The following COG5 variants were observed in gnomAD, a reference collection of about 807,000 sequenced individuals.
COG5 encodes the protein conserved oligomeric Golgi complex subunit 5.
In COG5, 86 loss-of-function variants were observed where a neutral mutation model predicts 110.4. That is an observed-to-expected ratio of 0.78 (90% CI 0.65 to 0.93). COG5 has a LOEUF of 0.93. COG5 is among the 40% of genes least tolerant of loss of function. The pLI is 0.00. For synonymous variants in COG5, 360 were observed against 334.6 expected (o/e 1.08, Z -0.83); for missense variants, 1,077 against 987.0 (o/e 1.09, Z -1.22).
intron 10 of COG5, among the ~76,000 whole-genome samples, chr7:107,326,647 G>A (rs1289908578): frequency 6.6e-6 from 1 of 152,138 alleles, no homozygotes; most frequent in African/African-American, 2.4e-5. Context: ...AGAAATTAAA[G>A]AAGACACAAG....
intron 7 of COG5, among the ~76,000 whole-genome samples, chr7:107,377,863 G>A (rs1814762589): frequency 6.6e-6 from 1 of 152,160 alleles, no homozygotes; most frequent in South Asian, 2.1e-4. Context: ...GGTGGCTGTG[G>A]GCGCAACTAC....
chr7:107,488,822 G>A (rs1797810111), intron 6 of COG5, among the ~76,000 whole-genome samples: 1 of 151,678 alleles, frequency 6.6e-6, no homozygotes, highest in African/African-American at 2.4e-5. Context: ...ACTCCAACCT[G>A]GGCAACAGAG....
intron 11 of COG5, among the ~76,000 whole-genome samples, chr7:107,319,289 G>A (rs1403547841): frequency 6.6e-6 from 1 of 152,026 alleles, no homozygotes; most frequent in Admixed American, 6.6e-5. Flanking sequence ...TTATACTACT[G>A]ATACTTCAGC....
chr7:107,208,510 G>T (rs2158347), intron 21 of COG5: 532,157 of 984,858 alleles, frequency 0.54, 148,186 homozygotes, highest in African/African-American at 0.9. Flanking sequence ...TTTTTAAGAC[G>T]ACTGAGTGTG....
At chr7:107,288,947 T>G (rs1327051177) in intron 12 of COG5, among the ~76,000 whole-genome samples, 15 of 89,708 alleles carry the variant, frequency 1.7e-4, no homozygotes, top group African/African-American at 4.1e-4. Context: ...TATATATATA[T>G]ATATATATAT....
intron 11 of COG5, 34 bp from the exon 12 acceptor site, chr7:107,298,380 A>C: frequency 6.5e-7 from 1 of 1,544,110 alleles, no homozygotes; most frequent in African/African-American, 1.4e-5. Flanking sequence ...AATTAGAAAA[A>C]TAATAAAATG....
At chr7:107,375,802 G>C (rs1314997064) in intron 7 of COG5, among the ~76,000 whole-genome samples, 1 of 151,884 alleles carries the variant, frequency 6.6e-6, no homozygotes, top group Non-Finnish European at 1.5e-5. Flanking sequence ...TTAAGGAAAA[G>C]AAATTCCTAA....
intron 7 of COG5, among the ~76,000 whole-genome samples, chr7:107,381,086 T>A (rs1306563612): frequency 2.6e-5 from 4 of 152,196 alleles, no homozygotes; most frequent in Admixed American, 2.6e-4. Context: ...GTGAACATAT[T>A]AATTAAATTC....
At chr7:107,374,426 T>C (rs1395716345) in intron 7 of COG5, among the ~76,000 whole-genome samples, 3 of 152,122 alleles carry the variant, frequency 2.0e-5, no homozygotes, top group Non-Finnish European at 4.4e-5. Flanking sequence ...TTATTGCCTT[T>C]ACTATTATCA....
chr7:107,318,465 A>T (rs551419633), intron 11 of COG5, among the ~76,000 whole-genome samples: 1 of 152,252 alleles, frequency 6.6e-6, no homozygotes, highest in Admixed American at 6.5e-5. Context: ...AGAGTGATAA[A>T]GCACATTTTA....
Position 107,529,731 on chromosome 7 carries a change from C to T in COG5, c.418-2374G>A, listed in dbSNP as rs548285317. ...CTTCCAAGCGTACTTTCCTTTCTTT[C>T]TTTCCTGTTCTAAAGCCTTTTTAAA... is the stretch of plus-strand genomic sequence containing the variant. On this transcript the variant is annotated intron_variant, in intron 5 of 21. Coordinates refer to ENST00000297135, the MANE Select transcript of COG5 (RefSeq NM_006348.5). 3.3e-5 allele frequency among the ~76,000 whole-genome samples: 5 copies of T among 152,330 alleles called. 1 individual carries two copies. The South Asian group carries it at 1.0e-3, about 32-fold the overall frequency.
At chr7:107,511,627 GCT>G (rs1799521575) in intron 6 of COG5, among the ~76,000 whole-genome samples, 1 of 152,066 alleles carries the variant, frequency 6.6e-6, no homozygotes, top group South Asian at 2.1e-4. Context: ...CTTGATGAAC[GCT>G]GATGCAAAAA....
chr7:107,225,477 T>C (rs901765385), intron 19 of COG5, among the ~76,000 whole-genome samples: 3 of 152,180 alleles, frequency 2.0e-5, no homozygotes, highest in African/African-American at 7.2e-5. Context: ...TGTTTTTCCT[T>C]TTTGTCTTTT....
chr7:107,534,640 C>A (rs140775403), intron 5 of COG5, among the ~76,000 whole-genome samples: 4 of 151,350 alleles, frequency 2.6e-5, no homozygotes, highest in Non-Finnish European at 4.4e-5. Flanking sequence ...TATATATGCA[C>A]GCAATACAGG....
chr7:107,292,698 G>A (rs777672427), intron 12 of COG5, among the ~76,000 whole-genome samples: 18 of 152,116 alleles, frequency 1.2e-4, no homozygotes, highest in African/African-American at 4.3e-4. Flanking sequence ...CAAGTTTATA[G>A]GTAGTCTAAA....
At chr7:107,497,938 G>A (rs1173246891) in intron 6 of COG5, among the ~76,000 whole-genome samples, 1 of 152,054 alleles carries the variant, frequency 6.6e-6, no homozygotes, top group African/African-American at 2.4e-5. Context: ...CAAAAAGAAA[G>A]ACAAACTGAT....
Position 107,203,403 on chromosome 7 carries a change from C to A in COG5, c.*113G>T. The A allele has an allele frequency of 1.3e-6, 1 of 775,582 alleles. No homozygotes were observed. The highest frequency in any genetic ancestry group is 2.3e-6 in the Non-Finnish European group (1 of 433,998). The allele number at this position is 775,582 out of a possible 1,614,324, so 48.0% of individuals were successfully genotyped here. A position where few individuals can be genotyped will look rare whatever the true frequency, so the allele number is the denominator to read the frequency against. ...ATAAACGTCGATAGGAAATACCGAACAATCAATTACATTCTTAAAATAGTA... is the reference window on the plus strand; with the variant it reads ...ATAAACGTCGATAGGAAATACCGAAAAATCAATTACATTCTTAAAATAGTA... On this transcript the variant is annotated 3_prime_UTR_variant, in exon 22 of 22. Coordinates refer to ENST00000297135, the MANE Select transcript of COG5 (RefSeq NM_006348.5).
rs374440832 is a variant in COG5 at position 107,403,590 on chromosome 7, C to T, written c.669+8912G>A. Among the ~76,000 whole-genome samples, 19 of 151,136 alleles carry T rather than the reference C, an allele frequency of 1.3e-4. No individual in the cohort carries two copies. The East Asian group carries it at 1.6e-3, about 12-fold the overall frequency. ...TGTGTGATGTTCCCTTCCCTGACAA[C>T]GGACACCTTTTTAATATGATCCCAC... On this transcript the variant is annotated intron_variant, in intron 7 of 21. Coordinates refer to ENST00000297135, the MANE Select transcript of COG5 (RefSeq NM_006348.5).
chr7:107,490,798 C>T (rs886698282), intron 6 of COG5, among the ~76,000 whole-genome samples: 6 of 152,106 alleles, frequency 3.9e-5, no homozygotes, highest in African/African-American at 1.2e-4. Flanking sequence ...CCTATTCTTT[C>T]TTGTCTCTCA....
Sources: gnomAD v4.1 joint callset for allele counts (sites outside exome capture counted in the v4.1 genomes callset) on GRCh38, gnomAD v4.1.1 for gene constraint, MANE v1.5 for transcripts, NCBI Gene and HGNC (gene_info 2026-07-23, HGNC 2026-07-21) for gene names.